CATSPERE: variants seen among roughly 807,000 people sequenced by gnomAD.
CATSPERE encodes catsper channel auxiliary subunit epsilon, also known as cation channel sperm-associated auxiliary subunit epsilon.
CATSPERE carries 93 observed loss-of-function variants against 114.1 expected under a neutral mutation model. That is an observed-to-expected ratio of 0.81 (90% CI 0.69 to 0.97). The LOEUF (loss-of-function observed/expected upper bound fraction) is 0.97. CATSPERE is among the 50% of genes least tolerant of loss of function. CATSPERE has a pLI of 0.00. For missense variants in CATSPERE, 1,058 were observed against 1,131.6 expected, an observed-to-expected ratio of 0.93 and a Z score of 0.93; for synonymous variants, 341 against 384.1, an observed-to-expected ratio of 0.89 and a Z score of 1.31.
chr1:244,566,370 G>A (rs1663495641), intron 10 of CATSPERE, among the ~76,000 whole-genome samples: 1 of 152,072 alleles, frequency 6.6e-6, no homozygotes, highest in South Asian at 2.1e-4. Flanking sequence ...TTCAAGTCCT[G>A]GATATCCTTG....
chr1:244,558,739 TCTC>T (rs1339292195), intron 9 of CATSPERE, among the ~76,000 whole-genome samples: 11 of 152,100 alleles, frequency 7.2e-5, no homozygotes, highest in Non-Finnish European at 1.2e-4. Flanking sequence ...TTCCTCCCCT[TCTC>T]CTCCTGCCCA....
intron 20 of CATSPERE, among the ~76,000 whole-genome samples, chr1:244,624,038 T>G (rs1220298070): frequency 2.0e-5 from 3 of 151,846 alleles, no homozygotes; most frequent in Admixed American, 1.3e-4. Context: ...CTCAACTCAC[T>G]GCAAGCTCTG....
chr1:244,613,282 G>C (rs1030901901), intron 19 of CATSPERE, among the ~76,000 whole-genome samples: 1 of 152,090 alleles, frequency 6.6e-6, no homozygotes, highest in Non-Finnish European at 1.5e-5. Flanking sequence ...GTATTTTCAA[G>C]TGGGGATACA....
chr1:244,460,666 C>A (rs576754623), upstream of CATSPERE, among the ~76,000 whole-genome samples: 2 of 152,390 alleles, frequency 1.3e-5, no homozygotes, highest in East Asian at 3.9e-4. Context: ...GTAATCCCAG[C>A]ACTTTGGGAG....
upstream of CATSPERE, among the ~76,000 whole-genome samples, chr1:244,457,086 G>A (rs573340951): frequency 6.6e-6 from 1 of 152,332 alleles, no homozygotes; most frequent in South Asian, 2.1e-4. Flanking sequence ...AAAAAGGTTT[G>A]TAAAGGGTGA....
In CATSPERE at chr1:244,538,882, C is replaced by T. The variant is rs77127827; in HGVS notation, c.537-13440C>T. On this transcript the variant is annotated intron_variant, in intron 8 of 21. Transcript: ENST00000366534. Reference sequence around the variant, plus strand: ...GGCCTGGAGCATACAGCAACCAGCACGTGATATTAGTAATGCCTCTGCATT... The same window carrying T: ...GGCCTGGAGCATACAGCAACCAGCATGTGATATTAGTAATGCCTCTGCATT... 4.6e-3 allele frequency among the ~76,000 whole-genome samples: 698 copies of T among 152,260 alleles called. 3 individuals carry two copies. The highest frequency in any genetic ancestry group is 0.016 in the African/African-American group (669 of 41,544).
In CATSPERE at chr1:244,607,888, C is replaced by T. The variant is rs1035621918; in HGVS notation, c.2403+2094C>T. 1.3e-5 allele frequency among the ~76,000 whole-genome samples: 2 copies of T among 150,812 alleles called. No individual in the cohort carries two copies. Among genetic ancestry groups the T allele is most frequent in the Non-Finnish European group, 3.0e-5 (2 of 67,580 alleles). On this transcript the variant is annotated intron_variant, in intron 18 of 21. Coordinates refer to ENST00000366534, the MANE Select transcript of CATSPERE (RefSeq NM_001130957.2). The surrounding 1 kb of genome is among the most constrained non-coding windows in gnomAD (Gnocchi z 4.4). ...CAGCACTTTGGGAGGCTGAGGCAGG[C>T]CGATCACAAGGTCAGGAGTTTGAGA...
intron 8 of CATSPERE, among the ~76,000 whole-genome samples, chr1:244,540,365 C>CAAAA (rs1558459494): frequency 2.1e-5 from 1 of 47,000 alleles, no homozygotes; most frequent in African/African-American, 5.0e-5. Context: ...ACACCAATAA[C>CAAAA]AGACAGAGAG....
At chr1:244,503,243 A>G (rs1468394332) in intron 7 of CATSPERE, among the ~76,000 whole-genome samples, 2 of 152,062 alleles carry the variant, frequency 1.3e-5, no homozygotes, top group African/African-American at 4.8e-5. Flanking sequence ...CTGCAGTTTT[A>G]CTATGATGTA....
At chr1:244,631,439 T>A (rs1673932314) in intron 20 of CATSPERE, among the ~76,000 whole-genome samples, 1 of 152,318 alleles carries the variant, frequency 6.6e-6, no homozygotes, top group African/African-American at 2.4e-5. Context: ...ATCCATGAAA[T>A]AAATCATTGA....
intron 2 of CATSPERE, among the ~76,000 whole-genome samples, chr1:244,468,879 C>T (rs771691029): frequency 6.6e-6 from 1 of 152,164 alleles, no homozygotes; most frequent in Non-Finnish European, 1.5e-5. Context: ...GATCATGCCA[C>T]TGCACTCCAG....
intron 8 of CATSPERE, among the ~76,000 whole-genome samples, chr1:244,534,583 T>C (rs1680094192): frequency 1.3e-5 from 2 of 151,768 alleles, no homozygotes; most frequent in African/African-American, 2.4e-5. Context: ...TTATGTCGAT[T>C]GCATTTTTCA....
chr1:244,625,936 G>A (rs12040265), intron 20 of CATSPERE, among the ~76,000 whole-genome samples: 112,584 of 151,454 alleles, frequency 0.74, 43,185 homozygotes, highest in East Asian at 0.87. Flanking sequence ...TGAGAAGTAG[G>A]TCTCAACAGT....
At chr1:244,594,190 T>C (rs1050538269) in intron 17 of CATSPERE, among the ~76,000 whole-genome samples, 14 of 152,104 alleles carry the variant, frequency 9.2e-5, no homozygotes, top group African/African-American at 2.9e-4. Flanking sequence ...CATGGTGGTG[T>C]GTGCCTGTGG....
chr1:244,503,705 A>G lies in CATSPERE; in HGVS notation c.429+4626A>G, dbSNP rs139903087. Among the ~76,000 whole-genome samples, 41 of 152,208 alleles carry G rather than the reference A, an allele frequency of 2.7e-4. No individual in the cohort carries two copies. The East Asian group carries it at 7.9e-3, about 29-fold the overall frequency. ...CCTCCTGGGCTCAAGTGATCCTCCC[A>G]TGTAGCTAGAGCCACAGACACACAC... On this transcript the variant is annotated intron_variant, in intron 7 of 21. Transcript: ENST00000366534.
At chr1:244,516,356 T>C (rs1676614722) in intron 7 of CATSPERE, among the ~76,000 whole-genome samples, 1 of 152,090 alleles carries the variant, frequency 6.6e-6, no homozygotes, top group Non-Finnish European at 1.5e-5. Context: ...TGTTTGTTTG[T>C]TTGTTTTTAG....
intron 12 of CATSPERE, among the ~76,000 whole-genome samples, chr1:244,582,114 G>C (rs763268382): frequency 3.9e-5 from 6 of 152,190 alleles, no homozygotes; most frequent in Non-Finnish European, 7.3e-5. Flanking sequence ...CTGTTTCTTA[G>C]TTGAATAATT....
chr1:244,527,559 T>A (rs1678848178), intron 8 of CATSPERE, among the ~76,000 whole-genome samples: 1 of 152,038 alleles, frequency 6.6e-6, no homozygotes. Flanking sequence ...CATCACAGGG[T>A]CCCGAGGCAA....
chr1:244,624,570 G>A (rs1331305651), intron 20 of CATSPERE, among the ~76,000 whole-genome samples: 1 of 152,100 alleles, frequency 6.6e-6, no homozygotes, highest in African/African-American at 2.4e-5. Flanking sequence ...GGAGTCACAG[G>A]CGGGTGGATC....
Sources: gnomAD v4.1 joint callset for allele counts (sites outside exome capture counted in the v4.1 genomes callset) on GRCh38, gnomAD v4.1.1 for gene constraint, Gnocchi (gnomAD v3.1) non-coding constraint, MANE v1.5 for transcripts, NCBI Gene and HGNC (gene_info 2026-07-23, HGNC 2026-07-21) for gene names.